NOX4: variants seen among roughly 807,000 people sequenced by gnomAD.
The protein encoded by NOX4 is kidney oxidase-1.
A neutral mutation model predicts 87.6 loss-of-function variants in NOX4; 69 were observed. The observed-to-expected ratio is 0.79, with a 90% CI of 0.65 to 0.96. The LOEUF (loss-of-function observed/expected upper bound fraction) is 0.96, where lower values mean the gene tolerates loss of function less well. Among genes scored for constraint, NOX4 ranks in the 40% least tolerant of loss-of-function variants. The pLI, the probability that NOX4 is intolerant of heterozygous loss-of-function variation, is 0.00. For synonymous variants in NOX4, 275 were observed against 238.2 expected (o/e 1.15, Z -1.42); for missense variants, 680 against 681.5 (o/e 1.00, Z 0.02).
chr11:89,381,069 A>T (rs1346501872), intron 11 of NOX4, among the ~76,000 whole-genome samples: 2 of 152,192 alleles, frequency 1.3e-5, no homozygotes, highest in African/African-American at 4.8e-5. Flanking sequence ...TTTCTTTGAA[A>T]ACGGGAAAAA....
chr11:89,552,306 G>A, the NOX4 span, among the ~76,000 whole-genome samples: 65 of 152,224 alleles, frequency 4.3e-4, 1 homozygote, highest in South Asian at 1.0e-3. Flanking sequence ...CATAGACACC[G>A]AAATCCATAT....
intron 11 of NOX4, among the ~76,000 whole-genome samples, chr11:89,393,170 T>C (rs1246366698): frequency 6.6e-6 from 1 of 152,122 alleles, no homozygotes; most frequent in South Asian, 2.1e-4. Context: ...CAGTGGGGGA[T>C]ACTATTGGCT....
At chr11:89,483,037 TCA>T (rs955336586) in intron 2 of NOX4, among the ~76,000 whole-genome samples, 19 of 152,070 alleles carry the variant, frequency 1.2e-4, no homozygotes, top group African/African-American at 4.6e-4. Flanking sequence ...ACTCAGAATC[TCA>T]GTTTCTCAAT....
chr11:89,447,335 T>C (rs565697016), intron 4 of NOX4, among the ~76,000 whole-genome samples: 1 of 152,308 alleles, frequency 6.6e-6, no homozygotes, highest in East Asian at 1.9e-4. Flanking sequence ...AGAATTACTA[T>C]TCTTTCTGAA....
chr11:89,481,329 C>T (rs1591359827), intron 2 of NOX4, among the ~76,000 whole-genome samples: 1 of 151,642 alleles, frequency 6.6e-6, no homozygotes, highest in Non-Finnish European at 1.5e-5. Context: ...AATATTGATG[C>T]CATTAATACT....
At chr11:89,474,210 T>C (rs1052499765) in intron 2 of NOX4, among the ~76,000 whole-genome samples, 2 of 152,134 alleles carry the variant, frequency 1.3e-5, no homozygotes, top group East Asian at 1.9e-4. Context: ...TTTTCTCCAA[T>C]TGACAATCAC....
intron 8 of NOX4, among the ~76,000 whole-genome samples, chr11:89,421,174 C>G (rs1365572145): frequency 2.0e-5 from 3 of 152,188 alleles, no homozygotes; most frequent in Non-Finnish European, 4.4e-5. Flanking sequence ...AGTAAAACTG[C>G]TGCCAGACTT....
In NOX4 at chr11:89,423,879, C is replaced by T. The variant is rs540406723; in HGVS notation, c.549-1897G>A. 2.0e-4 allele frequency among the ~76,000 whole-genome samples: 31 copies of T among 151,810 alleles called. 1 individual carries two copies. Among genetic ancestry groups the T allele is most frequent in the African/African-American group, 5.3e-4 (22 of 41,384 alleles). On this transcript the variant is annotated intron_variant, in intron 7 of 17. Coordinates refer to ENST00000263317, the MANE Select transcript of NOX4 (RefSeq NM_016931.5). ...GACCAGCCTGGAAAACATATTGAAA[C>T]CTTGACCTTACGAAAAAATAAATAC...
the NOX4 span, among the ~76,000 whole-genome samples, chr11:89,521,659 A>G: frequency 1.3e-5 from 2 of 152,154 alleles, no homozygotes; most frequent in Admixed American, 1.3e-4. Flanking sequence ...AGCAATTGCT[A>G]CAAAAACAAA....
chr11:89,563,777 ATTAT>A, the NOX4 span, among the ~76,000 whole-genome samples: 434 of 152,218 alleles, frequency 2.9e-3, 2 homozygotes, highest in African/African-American at 9.7e-3. Flanking sequence ...TGTTTGCTAT[ATTAT>A]TTGTCTTTCT....
chr11:89,503,159 T>C (rs1185282269), upstream of NOX4, among the ~76,000 whole-genome samples: 2 of 152,038 alleles, frequency 1.3e-5, no homozygotes, highest in Non-Finnish European at 2.9e-5. Context: ...CAAAATATGT[T>C]AAAATTCCTT....
At chr11:89,511,386 T>C in the NOX4 span, among the ~76,000 whole-genome samples, 1 of 151,984 alleles carries the variant, frequency 6.6e-6, no homozygotes, top group Admixed American at 6.6e-5. Flanking sequence ...TCAACGTTTC[T>C]CTTTTTTTCA....
chr11:89,377,376 C>T lies in NOX4; in HGVS notation c.1075-3884G>A, dbSNP rs74844875. Among the ~76,000 whole-genome samples the T allele has an allele frequency of 7.2e-5, 11 of 152,162 alleles. No individual in the cohort carries two copies. The East Asian group carries it at 1.9e-3, about 27-fold the overall frequency. ...CGACCTTAATATAAATTCTAGAATACACATTCACCTAAGTCTAAGGATAAG... is the reference window on the plus strand; with the variant it reads ...CGACCTTAATATAAATTCTAGAATATACATTCACCTAAGTCTAAGGATAAG... On this transcript the variant is annotated intron_variant, in intron 11 of 17. Coordinates refer to ENST00000263317, the MANE Select transcript of NOX4 (RefSeq NM_016931.5).
chr11:89,395,525 A>AT (rs779842442), intron 11 of NOX4, among the ~76,000 whole-genome samples: 103 of 152,124 alleles, frequency 6.8e-4, no homozygotes, highest in Middle Eastern at 3.4e-3. Context: ...CCATTTGCCT[A>AT]TTTTGGCTTT....
chr11:89,537,637 A>T, the NOX4 span, among the ~76,000 whole-genome samples: 70 of 152,216 alleles, frequency 4.6e-4, no homozygotes, highest in African/African-American at 1.6e-3. Context: ...TAAACTGCTT[A>T]TTTTTAGATC....
At chr11:89,385,590 C>T (rs1220057174) in intron 11 of NOX4, among the ~76,000 whole-genome samples, 1 of 152,186 alleles carries the variant, frequency 6.6e-6, no homozygotes, top group Admixed American at 6.6e-5. Flanking sequence ...TAGCCTGCCT[C>T]TTAAAACCTC....
At chr11:89,572,248 T>C in the NOX4 span, among the ~76,000 whole-genome samples, 1 of 152,274 alleles carries the variant, frequency 6.6e-6, no homozygotes, top group African/African-American at 2.4e-5. Context: ...CTGTCTCAAA[T>C]ACCTTTTGGT....
chr11:89,462,003 G>GA (rs201430504), intron 2 of NOX4, among the ~76,000 whole-genome samples: 3,260 of 137,300 alleles, frequency 0.024, 108 homozygotes, highest in African/African-American at 0.076. Context: ...GAAGAAAGAA[G>GA]AAAAAAAAAA....
In NOX4 at chr11:89,325,067, A is replaced by G. The variant is rs1565158592; in HGVS notation, c.*1689T>C. 1 of 147,992 alleles carries G rather than the reference A, an allele frequency of 6.8e-6. No homozygotes were observed. Among genetic ancestry groups the G allele is most frequent in the African/African-American group, 2.5e-5 (1 of 40,348 alleles). The allele number at this position is 147,992 out of a possible 1,614,324, so 9.2% of individuals were successfully genotyped here. ...GCAGTGTTATATTTGATAGCAATTG[A>G]TAGCCGACTACTAAACAAAATCACT... On this transcript the variant is annotated 3_prime_UTR_variant, in exon 18 of 18. Coordinates refer to ENST00000263317, the MANE Select transcript of NOX4 (RefSeq NM_016931.5).
Sources: allele counts gnomAD v4.1 joint callset (sites outside exome capture counted in the v4.1 genomes callset), GRCh38; gene constraint gnomAD v4.1.1; transcripts MANE v1.5; gene names NCBI Gene and HGNC (gene_info 2026-07-23, HGNC 2026-07-21).